The following CCDC149 variants were observed in gnomAD, a reference collection of about 807,000 sequenced individuals.
The protein encoded by CCDC149 is coiled-coil domain-containing protein 149.
CCDC149 carries 45 observed loss-of-function variants against 59.9 expected under a neutral mutation model. The ratio of observed to expected loss-of-function variants is 0.75; its 90% CI spans 0.59 to 0.96. CCDC149 has a LOEUF of 0.96. CCDC149 is among the 40% of genes least tolerant of loss of function. The probability of loss-of-function intolerance (pLI) is 0.00; values close to 1 mark genes in which losing one functional copy is unlikely to be tolerated. For synonymous variants in CCDC149, 245 were observed against 260.6 expected, an observed-to-expected ratio of 0.94 and a Z score of 0.58; for missense variants, 584 against 664.7, an observed-to-expected ratio of 0.88 and a Z score of 1.33.
chr4:24,965,741 G>A (rs1723776198), intron 1 of CCDC149, among the ~76,000 whole-genome samples: 1 of 152,144 alleles, frequency 6.6e-6, no homozygotes, highest in Admixed American at 6.5e-5. Context: ...GAAAAACAAG[G>A]GCCAATTAAC....
chr4:24,930,693 T>G (rs969950298), intron 1 of CCDC149, among the ~76,000 whole-genome samples: 1 of 152,158 alleles, frequency 6.6e-6, no homozygotes, highest in Non-Finnish European at 1.5e-5. Context: ...AGGTTTTGGT[T>G]GTTCTTCCTA....
At position 24,912,922 on chromosome 4, in the gene CCDC149, G is replaced by T. The variant is rs1237614139; in HGVS notation, c.-43C>A. 8.5e-7 allele frequency: 1 copy of T among 1,183,392 alleles called. No homozygotes were observed. The highest frequency in any genetic ancestry group is 1.1e-6 in the Non-Finnish European group (1 of 920,326). The allele number at this position is 1,183,392 out of a possible 1,614,324, so 73.3% of individuals were successfully genotyped here. On this transcript the variant is annotated 5_prime_UTR_variant, in exon 1 of 13. Transcript: ENST00000635206. ...GGACCCCCGCCGCCTCCTCCTCCTCGCGACGTCGCGTCGCCGCCGCCGCCC... is the reference window on the plus strand; with the variant it reads ...GGACCCCCGCCGCCTCCTCCTCCTCTCGACGTCGCGTCGCCGCCGCCGCCC...
intron 3 of CCDC149, among the ~76,000 whole-genome samples, chr4:24,859,213 T>A (rs1476690410): frequency 6.6e-6 from 1 of 152,222 alleles, no homozygotes; most frequent in Non-Finnish European, 1.5e-5. Flanking sequence ...AATTACACTT[T>A]ATAAAATAGG....
At chr4:24,815,703 C>T (rs1489510441) in intron 12 of CCDC149, among the ~76,000 whole-genome samples, 1 of 152,170 alleles carries the variant, frequency 6.6e-6, no homozygotes, top group Non-Finnish European at 1.5e-5. Context: ...CTAAATTACA[C>T]AGGGGACTTT....
upstream of CCDC149, among the ~76,000 whole-genome samples, chr4:24,916,112 AC>A (rs1400093592): frequency 6.6e-6 from 1 of 152,234 alleles, no homozygotes; most frequent in African/African-American, 2.4e-5. Context: ...CCACCCTGTT[AC>A]AAAGTATTGA....
At chr4:24,816,784 A>G (rs1003411648) in intron 12 of CCDC149, among the ~76,000 whole-genome samples, 3 of 152,192 alleles carry the variant, frequency 2.0e-5, no homozygotes, top group African/African-American at 7.2e-5. Flanking sequence ...AAAGAAAAAA[A>G]TATTTCCTCT....
At chr4:24,864,671 G>T (rs970176589) in intron 3 of CCDC149, among the ~76,000 whole-genome samples, 16 of 152,188 alleles carry the variant, frequency 1.1e-4, no homozygotes, top group Admixed American at 1.0e-3. Flanking sequence ...TCCTTGTCTT[G>T]ATAAATTGGC....
chr4:24,960,301 TATAA>T (rs1226427040), intron 1 of CCDC149, among the ~76,000 whole-genome samples: 1 of 152,204 alleles, frequency 6.6e-6, no homozygotes, highest in Non-Finnish European at 1.5e-5. Context: ...AATTGTTAGC[TATAA>T]ATCTTTGTTT....
chr4:24,979,424 G>C (rs1295485830), intron 1 of CCDC149, among the ~76,000 whole-genome samples: 1 of 152,220 alleles, frequency 6.6e-6, no homozygotes, highest in African/African-American at 2.4e-5. Flanking sequence ...AGAAGAAAGA[G>C]AGAAGACATG....
chr4:24,839,022 TCTCTCTCACA>T (rs762537463), intron 4 of CCDC149, among the ~76,000 whole-genome samples: 11 of 108,290 alleles, frequency 1.0e-4, no homozygotes, highest in African/African-American at 3.5e-4. Flanking sequence ...TCTCTCTCTC[TCTCTCTCACA>T]CACACACACA....
intron 12 of CCDC149, among the ~76,000 whole-genome samples, chr4:24,813,479 C>T (rs1714762075): frequency 8.7e-6 from 1 of 114,730 alleles, no homozygotes; most frequent in Non-Finnish European, 1.6e-5. Context: ...CCCCAAGGTT[C>T]AGCTTGGGGA....
chr4:24,944,706 C>T (rs571906122), intron 1 of CCDC149, among the ~76,000 whole-genome samples: 5 of 152,210 alleles, frequency 3.3e-5, no homozygotes, highest in African/African-American at 9.6e-5. Context: ...CACATGTATA[C>T]GTATGTAACA....
At chr4:24,818,105 C>A (rs1379451420) in intron 12 of CCDC149, among the ~76,000 whole-genome samples, 2 of 152,062 alleles carry the variant, frequency 1.3e-5, no homozygotes, top group African/African-American at 4.8e-5. Flanking sequence ...AAAATGAGGG[C>A]CTGAACCATG....
chr4:24,961,620 C>G (rs1292113777), intron 1 of CCDC149, among the ~76,000 whole-genome samples: 1 of 152,104 alleles, frequency 6.6e-6, no homozygotes, highest in African/African-American at 2.4e-5. Flanking sequence ...AGATACAGAC[C>G]AATGGAACAG....
Position 24,940,900 on chromosome 4 carries a change from T to C in CCDC149, c.-65+39169A>G, listed in dbSNP as rs200757136. Among the ~76,000 whole-genome samples, 57 of 152,282 alleles carry C rather than the reference T, an allele frequency of 3.7e-4. No individual in the cohort carries two copies. The East Asian group carries it at 6.8e-3, about 18-fold the overall frequency. ...GGAGCACCCAGATTCATAAAGCAAG[T>C]CCTTAGTGACCTACAAAGAGACTTA... On this transcript the variant is annotated intron_variant, in intron 1 of 12. Transcript: ENST00000389609.
At chr4:24,858,241 A>G (rs1718147851) in intron 3 of CCDC149, among the ~76,000 whole-genome samples, 1 of 152,210 alleles carries the variant, frequency 6.6e-6, no homozygotes, top group Admixed American at 6.5e-5. Context: ...TCAGTTTAGA[A>G]TAACAGCACT....
chr4:24,836,573 T>A, intron 6 of CCDC149, 65 bp from the exon 7 acceptor site: 2 of 1,155,504 alleles, frequency 1.7e-6, no homozygotes, highest in Non-Finnish European at 2.6e-6. Flanking sequence ...CACTGAAGTA[T>A]AAGGGGAAAA....
chr4:24,804,940 C>T (rs1714079545), downstream of CCDC149, among the ~76,000 whole-genome samples: 1 of 152,032 alleles, frequency 6.6e-6, no homozygotes, highest in Non-Finnish European at 1.5e-5. Flanking sequence ...CAGGAGCCTC[C>T]CAGCTAGAGA....
intron 1 of CCDC149, among the ~76,000 whole-genome samples, chr4:24,884,853 A>G (rs993950566): frequency 1.3e-5 from 2 of 152,208 alleles, no homozygotes; most frequent in African/African-American, 4.8e-5. Flanking sequence ...TGGAGGAGAG[A>G]GTGACACAGC....
Sources: gnomAD v4.1 joint callset for allele counts (sites outside exome capture counted in the v4.1 genomes callset) on GRCh38, gnomAD v4.1.1 for gene constraint, MANE v1.5 for transcripts, NCBI Gene and HGNC (gene_info 2026-07-23, HGNC 2026-07-21) for gene names.